Variants in NT5DC1 observed in about 807,000 individuals in gnomAD.
The protein encoded by NT5DC1 is 5'-nucleotidase domain containing 1.
NT5DC1 carries 42 observed loss-of-function variants against 59.4 expected under a neutral mutation model. The observed-to-expected ratio is 0.71, with a 90% confidence interval of 0.55 to 0.92. The LOEUF (loss-of-function observed/expected upper bound fraction) is 0.92, where lower values mean the gene tolerates loss of function less well. NT5DC1 is among the 40% of genes least tolerant of loss of function. The pLI is 0.00. For missense variants in NT5DC1, 501 were observed against 537.1 expected (o/e 0.93, Z 0.66); for synonymous variants, 172 against 188.1 (o/e 0.91, Z 0.70).
chr6:116,190,384 G>GT (rs1219057390), intron 6 of NT5DC1, among the ~76,000 whole-genome samples: 2 of 151,900 alleles, frequency 1.3e-5, no homozygotes, highest in African/African-American at 4.8e-5. Flanking sequence ...AAAATAAGTT[G>GT]TTTTGTTAGT....
At chr6:116,120,570 G>C in intron 6 of NT5DC1, 1 of 1,606,524 alleles carries the variant, frequency 6.2e-7, no homozygotes, top group Non-Finnish European at 8.5e-7. Flanking sequence ...GCTTGACCTG[G>C]TGGGCCTGGA....
chr6:116,245,641 G>A lies in NT5DC1; in HGVS notation c.*1617G>A, dbSNP rs1453977250. ...AAATGAAAGATACTATCTCATGTAT[G>A]CTTTAAATAGAGAATTTATTTCTTT... On this transcript the variant is annotated 3_prime_UTR_variant, in exon 12 of 12. Coordinates refer to ENST00000319550, the MANE Select transcript of NT5DC1 (RefSeq NM_152729.3). 2 of 152,106 alleles carry A rather than the reference G, an allele frequency of 1.3e-5. No homozygotes were observed. Among genetic ancestry groups the A allele is most frequent in the African/African-American group, 2.4e-5 (1 of 41,434 alleles). The allele number at this position is 152,106 out of a possible 1,614,324, so 9.4% of individuals were successfully genotyped here. A position where few individuals can be genotyped will look rare whatever the true frequency, so the allele number is the denominator to read the frequency against.
intron 6 of NT5DC1, among the ~76,000 whole-genome samples, chr6:116,126,394 A>G (rs780377340): frequency 2.0e-5 from 3 of 151,916 alleles, no homozygotes; most frequent in Non-Finnish European, 4.4e-5. Flanking sequence ...TTAATACTCT[A>G]GTGTTCAGGC....
chr6:116,196,634 A>G (rs1012509231), intron 6 of NT5DC1, among the ~76,000 whole-genome samples: 1 of 152,184 alleles, frequency 6.6e-6, no homozygotes, highest in African/African-American at 2.4e-5. Flanking sequence ...GAGTAGCTTC[A>G]TTACACTAAA....
At chr6:116,150,678 T>G (rs1025161221) in intron 6 of NT5DC1, among the ~76,000 whole-genome samples, 2 of 152,198 alleles carry the variant, frequency 1.3e-5, no homozygotes, top group African/African-American at 4.8e-5. Flanking sequence ...TTTCAGAGAT[T>G]GGAGCATTAG....
chr6:116,126,461 G>A (rs948668376), intron 6 of NT5DC1, among the ~76,000 whole-genome samples: 4 of 152,026 alleles, frequency 2.6e-5, no homozygotes, highest in African/African-American at 9.7e-5. Context: ...ACATTCTTAT[G>A]TTAATTGGTT....
chr6:116,120,038 T>C, intron 6 of NT5DC1: 2 of 1,561,244 alleles, frequency 1.3e-6, no homozygotes, highest in Non-Finnish European at 1.7e-6. Flanking sequence ...AGAATGCTTT[T>C]TCTAGCACAA....
chr6:116,106,279 G>A lies in NT5DC1; in HGVS notation c.129G>A (p.Lys43=). The A allele has an allele frequency of 1.9e-6, 3 of 1,591,936 alleles. No homozygotes were observed. Among genetic ancestry groups the A allele is most frequent in the Middle Eastern group, 1.8e-4 (1 of 5,610 alleles). The change falls in exon 2 of 12, where the codon AAG becomes AAA. Residue 43 remains lysine (K), a synonymous_variant. Transcript: ENST00000319550. ...IYNSFAQFLV[K]EKGYDKELLN... ...ATAGCTTTGCCCAGTTCCTAGTTAA[G>A]GAGAAAGGGTACGATAAGGAATTGC... is the stretch of plus-strand genomic sequence containing the variant.
chr6:116,163,141 A>AAAAAAAT (rs761718922), intron 6 of NT5DC1, among the ~76,000 whole-genome samples: 11,535 of 86,798 alleles, frequency 0.13, 1,317 homozygotes, highest in Middle Eastern at 0.21. Context: ...AAAAAAAAAA[A>AAAAAAAT]ATATATATAT....
intron 6 of NT5DC1, among the ~76,000 whole-genome samples, chr6:116,180,427 T>C (rs887955308): frequency 2.0e-5 from 3 of 152,070 alleles, no homozygotes; most frequent in Non-Finnish European, 4.4e-5. Flanking sequence ...CACTTTATAA[T>C]CCCTAATGAA....
chr6:116,189,639 C>A (rs1342151121), intron 6 of NT5DC1, among the ~76,000 whole-genome samples: 1 of 151,788 alleles, frequency 6.6e-6, no homozygotes, highest in African/African-American at 2.4e-5. Context: ...GTTATGCAGA[C>A]TGTTTTTCTA....
At chr6:116,103,382 A>C (rs1392708710) in intron 1 of NT5DC1, among the ~76,000 whole-genome samples, 1 of 151,884 alleles carries the variant, frequency 6.6e-6, no homozygotes, top group Non-Finnish European at 1.5e-5. Flanking sequence ...GCAACGGGGC[A>C]CAGAAGGAAA....
intron 3 of NT5DC1, among the ~76,000 whole-genome samples, chr6:116,108,700 C>T (rs1463369030): frequency 1.3e-5 from 2 of 152,178 alleles, no homozygotes; most frequent in African/African-American, 2.4e-5. Context: ...TAACCTGCTA[C>T]GTCTCATTGA....
At chr6:116,155,456 C>G (rs905949724) in intron 6 of NT5DC1, among the ~76,000 whole-genome samples, 1 of 152,086 alleles carries the variant, frequency 6.6e-6, no homozygotes, top group African/African-American at 2.4e-5. Flanking sequence ...TGTGAATTAA[C>G]ATGGCCTAAA....
chr6:116,123,149 A>G (rs1251849209), intron 6 of NT5DC1, among the ~76,000 whole-genome samples: 1 of 152,200 alleles, frequency 6.6e-6, no homozygotes, highest in Non-Finnish European at 1.5e-5. Context: ...GGTCATGTTC[A>G]CACTAAAAAT....
chr6:116,203,785 T>A (rs1170343453), intron 6 of NT5DC1, among the ~76,000 whole-genome samples: 1 of 151,922 alleles, frequency 6.6e-6, no homozygotes, highest in Admixed American at 6.6e-5. Context: ...TCAGTTTTAG[T>A]AGGAACTGCC....
intron 6 of NT5DC1, among the ~76,000 whole-genome samples, chr6:116,197,478 C>A (rs1252189135): frequency 6.6e-6 from 1 of 152,024 alleles, no homozygotes; most frequent in Non-Finnish European, 1.5e-5. Flanking sequence ...TTGACCTTCA[C>A]CACCTTTTAC....
At chr6:116,140,488 G>T (rs1244127253) in intron 6 of NT5DC1, among the ~76,000 whole-genome samples, 2 of 152,076 alleles carry the variant, frequency 1.3e-5, no homozygotes, top group African/African-American at 4.8e-5. Context: ...TTATGCTAAA[G>T]GTGAGGGATA....
At chr6:116,109,034 G>T (rs536155231) in intron 3 of NT5DC1, among the ~76,000 whole-genome samples, 53 of 152,280 alleles carry the variant, frequency 3.5e-4, no homozygotes, top group African/African-American at 1.2e-3. Context: ...CGGTTGCTAA[G>T]GGTATGACAA....
Sources: gnomAD v4.1 joint callset for allele counts (sites outside exome capture counted in the v4.1 genomes callset) on GRCh38, gnomAD v4.1.1 for gene constraint, MANE v1.5 for transcripts, NCBI Gene and HGNC (gene_info 2026-07-23, HGNC 2026-07-21) for gene names.